Variants in PRKAG2 observed in about 807,000 individuals in gnomAD.
The protein encoded by PRKAG2 is protein kinase AMP-activated non-catalytic subunit gamma 2.
In PRKAG2, 26 loss-of-function variants were observed where a neutral mutation model predicts 69.6. The observed-to-expected ratio is 0.37, with a 90% CI of 0.27 to 0.52. The LOEUF (loss-of-function observed/expected upper bound fraction) is 0.52, where lower values mean the gene tolerates loss of function less well. Among genes scored for constraint, PRKAG2 ranks in the 20% least tolerant of loss-of-function variants. PRKAG2 has a pLI of 0.90. For synonymous variants in PRKAG2, 293 were observed against 285.0 expected, an observed-to-expected ratio of 1.03 and a Z score of -0.28; for missense variants, 557 against 740.0, an observed-to-expected ratio of 0.75 and a Z score of 2.87.
chr7:151,740,133 C>A (rs2073771163), intron 3 of PRKAG2, among the ~76,000 whole-genome samples: 1 of 152,326 alleles, frequency 6.6e-6, no homozygotes, highest in African/African-American at 2.4e-5. Context: ...TCCAGCTGCC[C>A]CTGCTCCCTG....
intron 4 of PRKAG2, among the ~76,000 whole-genome samples, chr7:151,643,756 T>C (rs913161862): frequency 6.6e-6 from 1 of 152,340 alleles, no homozygotes; most frequent in African/African-American, 2.4e-5. Flanking sequence ...TACCTCATAA[T>C]GCAAATCCTT....
At chr7:151,761,260 C>T (rs971585661) in intron 3 of PRKAG2, among the ~76,000 whole-genome samples, 29 of 152,094 alleles carry the variant, frequency 1.9e-4, no homozygotes, top group African/African-American at 6.3e-4. Flanking sequence ...AATGAGAGGC[C>T]GCAAGGTTAG....
intron 3 of PRKAG2, among the ~76,000 whole-genome samples, chr7:151,677,266 A>G (rs1833088842): frequency 6.6e-6 from 1 of 151,924 alleles, no homozygotes; most frequent in African/African-American, 2.4e-5. Flanking sequence ...AGCTCACTGC[A>G]ACCTCTGCCT....
chr7:151,736,787 C>T (rs981126349), intron 3 of PRKAG2, among the ~76,000 whole-genome samples: 21 of 152,130 alleles, frequency 1.4e-4, no homozygotes, highest in Non-Finnish European at 2.5e-4. Context: ...TCGGCAAATG[C>T]GTAATTTGAG....
chr7:151,720,953 G>A (rs1285208224), intron 3 of PRKAG2, among the ~76,000 whole-genome samples: 2 of 148,396 alleles, frequency 1.3e-5, no homozygotes, highest in Non-Finnish European at 3.0e-5. Context: ...GGGGTAATAA[G>A]GGCAGAAGGA....
At chr7:151,585,406 G>GT (rs1170400133) in intron 6 of PRKAG2, among the ~76,000 whole-genome samples, 7 of 151,920 alleles carry the variant, frequency 4.6e-5, no homozygotes, top group African/African-American at 1.7e-4. Flanking sequence ...TTTATTGTCA[G>GT]TTTTTTTGGT....
intron 5 of PRKAG2, among the ~76,000 whole-genome samples, chr7:151,623,232 C>T (rs1416261333): frequency 6.6e-6 from 1 of 151,848 alleles, no homozygotes; most frequent in Non-Finnish European, 1.5e-5. Flanking sequence ...GGCATGGTGG[C>T]AAGTGTCTGT....
At chr7:151,600,395 C>T (rs1214968717) in intron 5 of PRKAG2, among the ~76,000 whole-genome samples, 1 of 152,176 alleles carries the variant, frequency 6.6e-6, no homozygotes, top group African/African-American at 2.4e-5. Context: ...TGGAAAGGAG[C>T]CCCACAATTT....
At position 151,583,040 on chromosome 7, in the gene PRKAG2, A is replaced by T. The variant is rs1737055090; in HGVS notation, c.865-6588T>A. ...AAATTTCTTCTTTTTTTCACTTTGG[A>T]GACAGGGTCTTACTCTGTTGCCCAG... is the stretch of plus-strand genomic sequence containing the variant. On this transcript the variant is annotated intron_variant, in intron 6 of 15. Coordinates refer to ENST00000287878, the MANE Select transcript of PRKAG2 (RefSeq NM_016203.4). This position sits in a 1 kb window ranked among gnomAD's most constrained non-coding sequence, Gnocchi z 4.1. 6.6e-6 allele frequency among the ~76,000 whole-genome samples: 1 copy of T among 152,172 alleles called. No individual in the cohort carries two copies. Among genetic ancestry groups the T allele is most frequent in the Non-Finnish European group, 1.5e-5 (1 of 68,040 alleles).
chr7:151,576,984 CTT>C (rs5888443), intron 6 of PRKAG2, among the ~76,000 whole-genome samples: 4 of 150,856 alleles, frequency 2.7e-5, no homozygotes, highest in African/African-American at 9.7e-5. Context: ...CAATTAACTT[CTT>C]TTTTTTTTCT....
chr7:151,738,299 C>T (rs1047211080), intron 3 of PRKAG2, among the ~76,000 whole-genome samples: 4 of 145,448 alleles, frequency 2.8e-5, no homozygotes, highest in African/African-American at 1.0e-4. Context: ...CCTCCATCCA[C>T]AGAAGCCAGA....
intron 3 of PRKAG2, among the ~76,000 whole-genome samples, chr7:151,681,918 G>C (rs1294749746): frequency 6.6e-6 from 1 of 152,210 alleles, no homozygotes; most frequent in Non-Finnish European, 1.5e-5. Flanking sequence ...GGTGACTGCA[G>C]AGGGAAAGAA....
chr7:151,558,062 A>T, intron 15 of PRKAG2: 1 of 985,368 alleles, frequency 1.0e-6, no homozygotes, highest in Non-Finnish European at 1.2e-6. Flanking sequence ...AGAGATCGGC[A>T]ATCTATTAGA....
intron 9 of PRKAG2, among the ~76,000 whole-genome samples, chr7:151,571,418 AG>A (rs1308335931): frequency 6.6e-6 from 1 of 152,096 alleles, no homozygotes; most frequent in African/African-American, 2.4e-5. Context: ...CATGTTGGTC[AG>A]GCTGGTCTTG....
chr7:151,775,124 C>G (rs960861797), intron 3 of PRKAG2, among the ~76,000 whole-genome samples: 1 of 152,220 alleles, frequency 6.6e-6, no homozygotes, highest in African/African-American at 2.4e-5. Context: ...TGAGGGCATC[C>G]TTGCGTGCAT....
At chr7:151,811,701 G>A (rs1432304977) in intron 1 of PRKAG2, among the ~76,000 whole-genome samples, 1 of 152,192 alleles carries the variant, frequency 6.6e-6, no homozygotes, top group Admixed American at 6.5e-5. Context: ...TGAGGCTTCA[G>A]GACAAGCCTG....
intron 2 of PRKAG2, among the ~76,000 whole-genome samples, chr7:151,782,343 G>GGAAGGAGGGAA (rs1563662982): frequency 3.8e-5 from 1 of 26,004 alleles, no homozygotes; most frequent in Non-Finnish European, 7.5e-5. Flanking sequence ...GAAGGAAGGA[G>GGAAGGAGGGAA]GGAGGGAGGG....
At chr7:151,658,197 G>A (rs3109945) in intron 4 of PRKAG2, among the ~76,000 whole-genome samples, 90,311 of 145,316 alleles carry the variant, frequency 0.62, 27,746 homozygotes, top group African/African-American at 0.68. Flanking sequence ...AAATAAATAA[G>A]AATAATAGGG....
At chr7:151,794,500 C>T (rs964511798) in intron 1 of PRKAG2, among the ~76,000 whole-genome samples, 3 of 152,236 alleles carry the variant, frequency 2.0e-5, no homozygotes, top group Admixed American at 6.5e-5. Context: ...TGTGAGCCCC[C>T]GTGGCACTGG....
Sources: gnomAD v4.1 joint callset for allele counts (sites outside exome capture counted in the v4.1 genomes callset) on GRCh38, gnomAD v4.1.1 for gene constraint, Gnocchi (gnomAD v3.1) non-coding constraint, MANE v1.5 for transcripts, NCBI Gene and HGNC (gene_info 2026-07-23, HGNC 2026-07-21) for gene names.